PDE6A: variants seen among roughly 807,000 people sequenced by gnomAD.
The protein encoded by PDE6A is phosphodiesterase 6A, also known as rod cGMP-specific 3',5'-cyclic phosphodiesterase subunit alpha.
A neutral mutation model predicts 106.3 loss-of-function variants in PDE6A; 84 were observed. That is an observed-to-expected ratio of 0.79 (90% CI 0.66 to 0.95). The LOEUF (loss-of-function observed/expected upper bound fraction) is 0.95. Ranked by LOEUF, PDE6A falls within the 40% of genes least tolerant of loss-of-function variation. The pLI, the probability that PDE6A is intolerant of heterozygous loss-of-function variation, is 0.00. For synonymous variants in PDE6A, 394 were observed against 386.6 expected (o/e 1.02, Z -0.23); for missense variants, 1,052 against 1,084.9 (o/e 0.97, Z 0.43).
At chr5:149,915,129 C>G in intron 5 of PDE6A, 122 bp from the exon 6 acceptor site, 2 of 615,642 alleles carry the variant, frequency 3.2e-6, no homozygotes, top group Non-Finnish European at 5.7e-6. Flanking sequence ...CCATCTCCTG[C>G]GTTCAAGCTA....
Position 149,931,086 on chromosome 5 carries a change from C to T in PDE6A, c.800G>A (p.Arg267His). Residue 267 changes from arginine to histidine, a missense_variant, in exon 4 of 22, where the codon CGT (arginine) becomes CAT (histidine). Around this residue, in one of 3 missense-constraint regions of PDE6A, gnomAD observed 913 missense variants for 915.2 expected, o/e 1.00. Coordinates refer to ENST00000255266, the MANE Select transcript of PDE6A (RefSeq NM_000440.3). ...RQFHKALYTV[R>H]AFLNCDRYSV... is the part of the protein sequence containing the mutation. Reference sequence around the variant, plus strand: ...GTATCTGTCACAGTTGAGGAAAGCACGGACTGTGTACAGGGCTTTGTGGAA... The same window carrying T: ...GTATCTGTCACAGTTGAGGAAAGCATGGACTGTGTACAGGGCTTTGTGGAA... 3 of 1,613,982 alleles carry T rather than the reference C, an allele frequency of 1.9e-6. No individual in the cohort carries two copies. The highest frequency in any genetic ancestry group is 2.2e-5 in the East Asian group (1 of 44,884).
chr5:149,916,346 G>A (rs1420182751), intron 5 of PDE6A, among the ~76,000 whole-genome samples: 1 of 152,188 alleles, frequency 6.6e-6, no homozygotes, highest in Non-Finnish European at 1.5e-5. Context: ...GGGAGATGGG[G>A]AAGTGGTCAG....
intron 17 of PDE6A, among the ~76,000 whole-genome samples, chr5:149,878,383 A>G (rs1397491236): frequency 7.2e-5 from 11 of 152,010 alleles, no homozygotes; most frequent in Admixed American, 5.9e-4. Context: ...ATTCCATTGT[A>G]TGAAAGTGTT....
In PDE6A at chr5:149,860,282, A is replaced by G. The variant is rs563093690; in HGVS notation, c.*613T>C. 1 of 152,368 alleles carries G rather than the reference A, an allele frequency of 6.6e-6. No homozygotes were observed. The highest frequency in any genetic ancestry group is 6.5e-5 in the Admixed American group (1 of 15,310). 9.4% of individuals were successfully genotyped at this position (152,368 alleles called of 1,614,324 possible). A position where few individuals can be genotyped will look rare whatever the true frequency, so the allele number is the denominator to read the frequency against. On this transcript the variant is annotated 3_prime_UTR_variant, in exon 22 of 22. Transcript: ENST00000255266. Reference sequence around the variant, plus strand: ...GAAATGCATGTAGCAAAATCTTGATATTGGAATCTGGGTGATGGGTATGTG... The same window carrying G: ...GAAATGCATGTAGCAAAATCTTGATGTTGGAATCTGGGTGATGGGTATGTG...
Position 149,863,619 on chromosome 5 carries a change from G to C in PDE6A, c.2359-353C>G, listed in dbSNP as rs1398594494. On this transcript the variant is annotated intron_variant, in intron 20 of 21. Transcript: ENST00000255266. This position sits in a 1 kb window ranked among gnomAD's most constrained non-coding sequence, Gnocchi z 4.7. ...CCATTCTGTGAGCCTCACACAAGCTGCTCTTTTCTTTTTTTTTTCTTTCCA... is the reference window on the plus strand; with the variant it reads ...CCATTCTGTGAGCCTCACACAAGCTCCTCTTTTCTTTTTTTTTTCTTTCCA... 1.3e-5 allele frequency among the ~76,000 whole-genome samples: 2 copies of C among 150,618 alleles called. No individual in the cohort carries two copies. Among genetic ancestry groups the C allele is most frequent in the African/African-American group, 5.0e-5 (2 of 40,116 alleles).
At chr5:149,900,823 C>T (rs913069194) in intron 8 of PDE6A, among the ~76,000 whole-genome samples, 3 of 152,068 alleles carry the variant, frequency 2.0e-5, no homozygotes, top group Non-Finnish European at 2.9e-5. Flanking sequence ...AATCCCTTCC[C>T]TCTGAAGGCC....
chr5:149,919,529 T>G (rs1753644167), intron 5 of PDE6A, among the ~76,000 whole-genome samples: 2 of 152,164 alleles, frequency 1.3e-5, no homozygotes, highest in Non-Finnish European at 2.9e-5. Context: ...TGGACATTTT[T>G]TTTGGAATCC....
chr5:149,932,761 T>G (rs1754079746), intron 3 of PDE6A: 5 of 1,054,542 alleles, frequency 4.7e-6, no homozygotes, highest in Non-Finnish European at 7.1e-6. Context: ...CTGTGCTTCA[T>G]ATTAAATCCT....
At chr5:149,918,771 C>A (rs139821364) in intron 5 of PDE6A, among the ~76,000 whole-genome samples, 1 of 151,780 alleles carries the variant, frequency 6.6e-6, no homozygotes, top group Admixed American at 6.6e-5. Context: ...GTCACCATGC[C>A]CGGCTACTTT....
At chr5:149,894,913 C>T (rs1007719415) in intron 13 of PDE6A, among the ~76,000 whole-genome samples, 1 of 152,022 alleles carries the variant, frequency 6.6e-6, no homozygotes, top group African/African-American at 2.4e-5. Context: ...ACAGGCGGCC[C>T]TGTTGAACTA....
At chr5:149,907,081 C>T (rs1753220820) in intron 7 of PDE6A, among the ~76,000 whole-genome samples, 1 of 152,124 alleles carries the variant, frequency 6.6e-6, no homozygotes, top group South Asian at 2.1e-4. Context: ...CAAGACTATG[C>T]ACCTTTCTAC....
At chr5:149,908,770 G>A (rs75802000) in intron 6 of PDE6A, among the ~76,000 whole-genome samples, 14,369 of 151,928 alleles carry the variant, frequency 0.095, 855 homozygotes, top group East Asian at 0.17. Context: ...TAGCCCCAGC[G>A]ACTGAGGAGT....
intron 1 of PDE6A, among the ~76,000 whole-genome samples, chr5:149,943,568 G>A (rs1301541839): frequency 6.6e-6 from 1 of 152,164 alleles, no homozygotes; most frequent in Admixed American, 6.5e-5. Flanking sequence ...TGATTCTCTT[G>A]CCTCAGCCCT....
Position 149,883,413 on chromosome 5 carries a change from C to G in PDE6A, c.2135+16G>C, listed in dbSNP as rs763763317. ...TAAGCCTAAGAGGATCAGGTTTTAACCCCATCCCAACTCACATAACGATTT... is the reference window on the plus strand; with the variant it reads ...TAAGCCTAAGAGGATCAGGTTTTAAGCCCATCCCAACTCACATAACGATTT... On this transcript the variant is annotated intron_variant, in intron 17 of 21. Coordinates refer to ENST00000255266, the MANE Select transcript of PDE6A (RefSeq NM_000440.3). 1.3e-6 allele frequency: 2 copies of G among 1,558,644 alleles called. No homozygotes were observed. Among genetic ancestry groups the G allele is most frequent in the African/African-American group, 1.4e-5 (1 of 73,986 alleles).
intron 1 of PDE6A, among the ~76,000 whole-genome samples, chr5:149,938,913 C>T (rs1341894990): frequency 6.6e-6 from 1 of 152,140 alleles, no homozygotes; most frequent in Non-Finnish European, 1.5e-5. Flanking sequence ...GCAATTGCAA[C>T]CATTTCTCAG....
chr5:149,936,175 A>AAGGAAGGAAGGAAGGG (rs1754177318), intron 1 of PDE6A, among the ~76,000 whole-genome samples: 1 of 151,178 alleles, frequency 6.6e-6, no homozygotes, highest in African/African-American at 2.4e-5. Flanking sequence ...GGAAGGAAGG[A>AAGGAAGGAAGGAAGGG]AGGAAGGAAG....
At chr5:149,898,635 G>T in intron 9 of PDE6A, 129 bp from the exon 10 acceptor site, 1 of 880,750 alleles carries the variant, frequency 1.1e-6, no homozygotes, top group East Asian at 2.6e-5. Context: ...GCTGTGTGCT[G>T]CCCACCTTGC....
chr5:149,904,431 T>C (rs367923862), intron 7 of PDE6A, among the ~76,000 whole-genome samples: 7 of 152,258 alleles, frequency 4.6e-5, no homozygotes, highest in African/African-American at 1.7e-4. Context: ...AGATGACACT[T>C]ATCTGATCTC....
At chr5:149,943,587 A>G (rs1451717839) in intron 1 of PDE6A, among the ~76,000 whole-genome samples, 2 of 152,208 alleles carry the variant, frequency 1.3e-5, no homozygotes, top group East Asian at 3.9e-4. Flanking sequence ...CTCCGAGTAG[A>G]TGGGACTACA....
Sources: allele counts gnomAD v4.1 joint callset (sites outside exome capture counted in the v4.1 genomes callset), GRCh38; gene constraint gnomAD v4.1.1; regional missense constraint gnomAD v4.1.1; non-coding constraint Gnocchi (gnomAD v3.1); transcripts MANE v1.5; gene names NCBI Gene and HGNC (gene_info 2026-07-23, HGNC 2026-07-21).